DPYSL2: variants seen among roughly 807,000 people sequenced by gnomAD.
The protein encoded by DPYSL2 is dihydropyrimidinase like 2, also known as dihydropyrimidinase-related protein 2.
DPYSL2 carries 13 observed loss-of-function variants against 69.9 expected under a neutral mutation model. The ratio of observed to expected loss-of-function variants is 0.19; its 90% CI spans 0.12 to 0.30. DPYSL2 has a LOEUF of 0.30. Ranked by LOEUF, DPYSL2 falls within the 10% of genes least tolerant of loss-of-function variation. DPYSL2 has a pLI of 1.00. For missense variants in DPYSL2, 587 were observed against 918.9 expected, an observed-to-expected ratio of 0.64 and a Z score of 4.67; for synonymous variants, 326 against 359.1, an observed-to-expected ratio of 0.91 and a Z score of 1.04.
intron 7 of DPYSL2, among the ~76,000 whole-genome samples, chr8:26,631,194 A>C (rs915319380): frequency 2.6e-5 from 4 of 152,214 alleles, no homozygotes; most frequent in Non-Finnish European, 5.9e-5. Flanking sequence ...ATCCATTTTC[A>C]TACTACTGTA....
chr8:26,621,042 G>A lies in DPYSL2; in HGVS notation c.629-3101G>A, dbSNP rs184618461. Among the ~76,000 whole-genome samples, 1 of 151,646 alleles carries A rather than the reference G, an allele frequency of 6.6e-6. No homozygotes were observed. The highest frequency in any genetic ancestry group is 1.5e-5 in the Non-Finnish European group (1 of 67,902). On this transcript the variant is annotated intron_variant, in intron 3 of 13. Coordinates refer to ENST00000521913, the MANE Select transcript of DPYSL2 (RefSeq NM_001197293.3). The surrounding 1 kb of genome is among the most constrained non-coding windows in gnomAD (Gnocchi z 4.9). Reference sequence around the variant, plus strand: ...TTTATTTTACCATTATTTTTCTTCCGCTTTATCTTGCATTACTCTTTCTGG... The same window carrying A: ...TTTATTTTACCATTATTTTTCTTCCACTTTATCTTGCATTACTCTTTCTGG...
chr8:26,617,711 C>A lies in DPYSL2; in HGVS notation c.629-6432C>A, dbSNP rs749141558. ...TCGCTGCAGCATGGATGAACCTTGACGACATGATGCCAAGTGAAAGCAGAC... is the reference window on the plus strand; with the variant it reads ...TCGCTGCAGCATGGATGAACCTTGAAGACATGATGCCAAGTGAAAGCAGAC... On this transcript the variant is annotated intron_variant, in intron 3 of 13. Transcript: ENST00000521913. This position sits in a 1 kb window ranked among gnomAD's most constrained non-coding sequence, Gnocchi z 4.7. Among the ~76,000 whole-genome samples, 1 of 152,086 alleles carries A rather than the reference C, an allele frequency of 6.6e-6. No individual in the cohort carries two copies. Among genetic ancestry groups the A allele is most frequent in the Non-Finnish European group, 1.5e-5 (1 of 68,022 alleles).
At position 26,533,677 on chromosome 8, in the gene DPYSL2, G is replaced by C. The variant is rs1366745070; in HGVS notation, c.354+18998G>C. ...GACAAAACATTGCCACACAGCATTAGAGAAACCACTGGTGCCAAAAAGGCT... is the reference window on the plus strand; with the variant it reads ...GACAAAACATTGCCACACAGCATTACAGAAACCACTGGTGCCAAAAAGGCT... On this transcript the variant is annotated intron_variant, in intron 1 of 13. Coordinates refer to ENST00000521913, the MANE Select transcript of DPYSL2 (RefSeq NM_001197293.3). This position sits in a 1 kb window ranked among gnomAD's most constrained non-coding sequence, Gnocchi z 4.8. Among the ~76,000 whole-genome samples the C allele has an allele frequency of 6.6e-6, 1 of 152,220 alleles. No individual in the cohort carries two copies. Among genetic ancestry groups the C allele is most frequent in the South Asian group, 2.1e-4 (1 of 4,824 alleles).
intron 1 of DPYSL2, among the ~76,000 whole-genome samples, chr8:26,569,247 A>G (rs1270231748): frequency 6.6e-6 from 1 of 151,000 alleles, no homozygotes; most frequent in African/African-American, 2.4e-5. Flanking sequence ...AGTCCCAGTT[A>G]TGTGGGAGGC....
chr8:26,589,346 T>C (rs1305580355), intron 3 of DPYSL2, among the ~76,000 whole-genome samples: 1 of 152,224 alleles, frequency 6.6e-6, no homozygotes, highest in Non-Finnish European at 1.5e-5. Flanking sequence ...GCCTTGCGTG[T>C]GGTTCAATCA....
Position 26,655,920 on chromosome 8 carries a change from A to G in DPYSL2, c.*214A>G. 2.3e-6 allele frequency: 1 copy of G among 430,290 alleles called. No individual in the cohort carries two copies. The highest frequency in any genetic ancestry group is 4.2e-6 in the Non-Finnish European group (1 of 240,872). 26.7% of individuals were successfully genotyped at this position (430,290 alleles called of 1,614,324 possible). ...ATTTTGCTCATCCACTTCCCTACACATCTATGGGTATCACACCCAAGACTA... is the reference window on the plus strand; with the variant it reads ...ATTTTGCTCATCCACTTCCCTACACGTCTATGGGTATCACACCCAAGACTA... On this transcript the variant is annotated 3_prime_UTR_variant, in exon 14 of 14. Coordinates refer to ENST00000521913, the MANE Select transcript of DPYSL2 (RefSeq NM_001197293.3).
intron 1 of DPYSL2, among the ~76,000 whole-genome samples, chr8:26,569,377 C>CAAAA (rs1316731457): frequency 5.3e-4 from 67 of 126,582 alleles, no homozygotes; most frequent in South Asian, 1.6e-3. Flanking sequence ...AAAACAAAAA[C>CAAAA]AAAAAAAAAC....
intron 3 of DPYSL2, among the ~76,000 whole-genome samples, chr8:26,592,484 T>G (rs963276938): frequency 2.6e-5 from 4 of 150,988 alleles, no homozygotes; most frequent in Non-Finnish European, 4.4e-5. Context: ...TTGTTTTTTT[T>G]TTTTTATTAA....
At chr8:26,634,728 G>C (rs984903936) in intron 7 of DPYSL2, 52 bp from the exon 8 acceptor site, 5 of 1,611,734 alleles carry the variant, frequency 3.1e-6, no homozygotes, top group Non-Finnish European at 3.4e-6. Flanking sequence ...TAAAGGTAGC[G>C]GCTCGTGGGG....
At chr8:26,573,619 G>C (rs1457134171) in intron 1 of DPYSL2, among the ~76,000 whole-genome samples, 1 of 140,904 alleles carries the variant, frequency 7.1e-6, no homozygotes, top group African/African-American at 2.6e-5. Context: ...AGTGAGCCGA[G>C]ATTGCGCCAC....
In DPYSL2 at chr8:26,653,417, A is replaced by AG. The variant is rs765386135; in HGVS notation, c.1942+23dup. On this transcript the variant is annotated intron_variant, in intron 13 of 13. Transcript: ENST00000521913. This position sits in a 1 kb window ranked among gnomAD's most constrained non-coding sequence, Gnocchi z 5.7. ...TGTCTGGTAGGGTTGGGGCTTGGGGAGGGCACAGTTCTGCAGGGCCAGCTC... is the reference window on the plus strand; with the variant it reads ...TGTCTGGTAGGGTTGGGGCTTGGGGAGGGGCACAGTTCTGCAGGGCCAGCTC... The AG allele has an allele frequency of 1.2e-6, 2 of 1,606,398 alleles. No homozygotes were observed. The highest frequency in any genetic ancestry group is 2.7e-5 in the African/African-American group (2 of 74,874).
rs1334413981 is a variant in DPYSL2 at position 26,652,248 on chromosome 8, T to C, written c.1597-9T>C. On this transcript the variant is annotated splice_polypyrimidine_tract_variant and intron_variant, in intron 11 of 13. Coordinates refer to ENST00000521913, the MANE Select transcript of DPYSL2 (RefSeq NM_001197293.3). The surrounding 1 kb of genome is among the most constrained non-coding windows in gnomAD (Gnocchi z 6.3). Reference sequence around the variant, plus strand: ...GCCTGTTCTAGAGTTTACTTTGCCTTCTTCTCAGTCTCTCGAGTACAACAT... The same window carrying C: ...GCCTGTTCTAGAGTTTACTTTGCCTCCTTCTCAGTCTCTCGAGTACAACAT... 1 of 1,609,758 alleles carries C rather than the reference T, an allele frequency of 6.2e-7. No homozygotes were observed. The highest frequency in any genetic ancestry group is 2.2e-5 in the East Asian group (1 of 44,810).
rs992589133 is a variant in DPYSL2 at position 26,610,309 on chromosome 8, G to A, written c.629-13834G>A. On this transcript the variant is annotated intron_variant, in intron 3 of 13. Coordinates refer to ENST00000521913, the MANE Select transcript of DPYSL2 (RefSeq NM_001197293.3). This position sits in a 1 kb window ranked among gnomAD's most constrained non-coding sequence, Gnocchi z 4.5. ...GATTTGTTCCTGATACATTCTGTTG[G>A]GATACAGTCCATTTGATAGGAAGGT... 6.6e-6 allele frequency among the ~76,000 whole-genome samples: 1 copy of A among 152,294 alleles called. No homozygotes were observed. Among genetic ancestry groups the A allele is most frequent in the Middle Eastern group, 3.4e-3 (1 of 294 alleles).
At position 26,655,624 on chromosome 8, in the gene DPYSL2, T is replaced by C; in HGVS notation, c.1952T>C (p.Ile651Thr). The C allele has an allele frequency of 6.2e-7, 1 of 1,608,982 alleles. No individual in the cohort carries two copies. Among genetic ancestry groups the C allele is most frequent in the Non-Finnish European group, 8.5e-7 (1 of 1,177,440 alleles). ...QSGFSLSGAQ[I>T]DDNIPRRTTQ... ...TCTCCTCTCCCTCCAGGTGCTCAGA[T>C]TGATGACAACATTCCCCGCCGCACC... Residue 651 changes from isoleucine to threonine, a missense_variant, in exon 14 of 14, where the codon ATT becomes ACT. By Grantham distance (89) the Ile-to-Thr change is moderately conservative. Coordinates refer to ENST00000521913, the MANE Select transcript of DPYSL2 (RefSeq NM_001197293.3).
chr8:26,612,248 A>G (rs1802246786), intron 3 of DPYSL2, among the ~76,000 whole-genome samples: 1 of 152,232 alleles, frequency 6.6e-6, no homozygotes, highest in Non-Finnish European at 1.5e-5. Context: ...ATTGCTGGTG[A>G]CAGAGTGAAG....
At chr8:26,578,961 C>A (rs1016221632) in intron 1 of DPYSL2, among the ~76,000 whole-genome samples, 1 of 152,212 alleles carries the variant, frequency 6.6e-6, no homozygotes, top group Non-Finnish European at 1.5e-5. Flanking sequence ...GGGTGCCCCC[C>A]CCCCGGTTTT....
At chr8:26,601,790 G>A (rs768750505) in intron 3 of DPYSL2, among the ~76,000 whole-genome samples, 6 of 152,202 alleles carry the variant, frequency 3.9e-5, no homozygotes, top group Non-Finnish European at 7.3e-5. Flanking sequence ...GCTGACTTAC[G>A]TTTAAAAGAC....
chr8:26,612,973 A>G (rs900216963), intron 3 of DPYSL2, among the ~76,000 whole-genome samples: 1 of 152,230 alleles, frequency 6.6e-6, no homozygotes, highest in African/African-American at 2.4e-5. Flanking sequence ...CAGATGAGAT[A>G]AGGTACGTGA....
rs1403187804 is a variant in DPYSL2, at chr8:26,609,148, C to A, written c.629-14995C>A. ...TGCTCTTGTCTTTATTATGTATTGT[C>A]TGCCCATAAATGATGTCTTGAAATA... On this transcript the variant is annotated intron_variant, in intron 3 of 13. Transcript: ENST00000521913. The surrounding 1 kb of genome is among the most constrained non-coding windows in gnomAD (Gnocchi z 6.5). Among the ~76,000 whole-genome samples, 1 of 152,206 alleles carries A rather than the reference C, an allele frequency of 6.6e-6. No individual in the cohort carries two copies. Among genetic ancestry groups the A allele is most frequent in the Non-Finnish European group, 1.5e-5 (1 of 68,042 alleles).
Sources: gnomAD v4.1 joint callset for allele counts (sites outside exome capture counted in the v4.1 genomes callset) on GRCh38, gnomAD v4.1.1 for gene constraint, Gnocchi (gnomAD v3.1) non-coding constraint, MANE v1.5 for transcripts, NCBI Gene and HGNC (gene_info 2026-07-23, HGNC 2026-07-21) for gene names.